GPC6: variants seen among roughly 807,000 people sequenced by gnomAD.
GPC6 encodes glypican-6.
A neutral mutation model predicts 55.2 loss-of-function variants in GPC6; 14 were observed. The observed-to-expected ratio is 0.25, with a 90% CI of 0.17 to 0.40. The LOEUF (loss-of-function observed/expected upper bound fraction) is 0.40, where lower values mean the gene tolerates loss of function less well. GPC6 is among the 10% of genes least tolerant of loss of function. The pLI, the probability that GPC6 is intolerant of heterozygous loss-of-function variation, is 1.00. For synonymous variants in GPC6, 278 were observed against 259.6 expected (o/e 1.07, Z -0.68); for missense variants, 641 against 708.5 (o/e 0.90, Z 1.08).
chr13:93,296,531 G>A (rs1191441649), intron 1 of GPC6, among the ~76,000 whole-genome samples: 1 of 151,960 alleles, frequency 6.6e-6, no homozygotes, highest in Non-Finnish European at 1.5e-5. Flanking sequence ...TTCTGCTTGA[G>A]ACTCTGTAAT....
At chr13:94,222,171 G>C (rs1408826165) in intron 4 of GPC6, among the ~76,000 whole-genome samples, 1 of 152,094 alleles carries the variant, frequency 6.6e-6, no homozygotes, top group African/African-American at 2.4e-5. Flanking sequence ...GTCATGGTCA[G>C]TGTAAGCCTG....
intron 2 of GPC6, among the ~76,000 whole-genome samples, chr13:93,684,535 G>T (rs1231229579): frequency 1.3e-5 from 2 of 152,132 alleles, no homozygotes; most frequent in African/African-American, 4.8e-5. Context: ...TATTTATAAA[G>T]ATTAAAATGA....
chr13:93,993,906 TG>T (rs945825603), intron 3 of GPC6, among the ~76,000 whole-genome samples: 13 of 152,182 alleles, frequency 8.5e-5, no homozygotes, highest in African/African-American at 3.1e-4. Flanking sequence ...ATACTGTATG[TG>T]GGAATATTTA....
At chr13:94,070,404 A>G (rs1302063514) in intron 4 of GPC6, among the ~76,000 whole-genome samples, 1 of 152,220 alleles carries the variant, frequency 6.6e-6, no homozygotes, top group African/African-American at 2.4e-5. Flanking sequence ...CAGAGAACTC[A>G]GAGATATACA....
intron 6 of GPC6, among the ~76,000 whole-genome samples, chr13:94,357,870 A>G (rs1298977785): frequency 6.6e-6 from 1 of 152,172 alleles, no homozygotes; most frequent in Non-Finnish European, 1.5e-5. Flanking sequence ...ATACCTCCAC[A>G]GAAGAGAAAG....
chr13:94,230,806 A>G (rs1432728391), intron 4 of GPC6, among the ~76,000 whole-genome samples: 3 of 152,214 alleles, frequency 2.0e-5, no homozygotes, highest in Non-Finnish European at 2.9e-5. Flanking sequence ...ATTGGAGATG[A>G]CAGTAAGAAT....
chr13:93,439,298 A>G (rs1337815793), intron 1 of GPC6, among the ~76,000 whole-genome samples: 3 of 152,012 alleles, frequency 2.0e-5, no homozygotes, highest in Non-Finnish European at 4.4e-5. Flanking sequence ...AGCTCCCACA[A>G]TTCCCACATG....
At chr13:93,661,671 A>C (rs1880927908) in intron 2 of GPC6, among the ~76,000 whole-genome samples, 1 of 152,192 alleles carries the variant, frequency 6.6e-6, no homozygotes, top group African/African-American at 2.4e-5. Flanking sequence ...AAATGGGCTA[A>C]ATGTCAATGC....
At chr13:93,612,829 A>G (rs1437457734) in intron 2 of GPC6, among the ~76,000 whole-genome samples, 1 of 152,188 alleles carries the variant, frequency 6.6e-6, no homozygotes, top group African/African-American at 2.4e-5. Context: ...AGGTATTCGT[A>G]TGTGTGTCAA....
At chr13:93,441,544 G>C (rs1396924307) in intron 1 of GPC6, among the ~76,000 whole-genome samples, 1 of 152,040 alleles carries the variant, frequency 6.6e-6, no homozygotes, top group Non-Finnish European at 1.5e-5. Flanking sequence ...GGGGTTGTTT[G>C]ATTTTTTCTT....
intron 1 of GPC6, among the ~76,000 whole-genome samples, chr13:93,311,718 C>G (rs1181420322): frequency 6.6e-6 from 1 of 152,078 alleles, no homozygotes; most frequent in Non-Finnish European, 1.5e-5. Context: ...CTCCTTGACC[C>G]CTATGCAGTG....
At chr13:94,235,941 C>T (rs1322000288) in intron 4 of GPC6, among the ~76,000 whole-genome samples, 1 of 152,164 alleles carries the variant, frequency 6.6e-6, no homozygotes, top group Non-Finnish European at 1.5e-5. Flanking sequence ...GAAACTGAGA[C>T]CCTGAGAACT....
At chr13:93,895,234 G>GTA (rs60375718) in intron 3 of GPC6, among the ~76,000 whole-genome samples, 1,291 of 107,796 alleles carry the variant, frequency 0.012, 22 homozygotes, top group African/African-American at 0.015. Flanking sequence ...GTGTGTGTGT[G>GTA]TATATATATA....
intron 3 of GPC6, among the ~76,000 whole-genome samples, chr13:93,980,484 G>T (rs971147052): frequency 1.3e-5 from 2 of 152,158 alleles, no homozygotes; most frequent in Non-Finnish European, 2.9e-5. Flanking sequence ...AGTATTCTCT[G>T]CATTGGAAAT....
rs184142888 is a variant in GPC6, at chr13:93,227,150, T to A, written c.-307T>A. On this transcript the variant is annotated 5_prime_UTR_variant, in exon 1 of 9. Transcript: ENST00000377047. The surrounding 1 kb of genome is among the most constrained non-coding windows in gnomAD (Gnocchi z 4.3). ...TGCAGCTCTGAACCCCCATGGTGGT[T>A]TTTTAAACACTTCTTTTCCTTCTCT... 1.4e-3 allele frequency: 343 copies of A among 242,020 alleles called. No individual in the cohort carries two copies. The highest frequency in any genetic ancestry group is 7.1e-3 in the African/African-American group (317 of 44,832). 15.0% of individuals were successfully genotyped at this position (242,020 alleles called of 1,614,324 possible).
chr13:93,747,194 G>T (rs917813928), intron 2 of GPC6, among the ~76,000 whole-genome samples: 5 of 152,120 alleles, frequency 3.3e-5, no homozygotes, highest in African/African-American at 1.2e-4. Flanking sequence ...TATACCTGAG[G>T]CATTAATAAA....
At chr13:94,190,821 G>A (rs751917232) in intron 4 of GPC6, among the ~76,000 whole-genome samples, 1 of 152,094 alleles carries the variant, frequency 6.6e-6, no homozygotes, top group Non-Finnish European at 1.5e-5. Flanking sequence ...GTTAACATAT[G>A]AGTAGCATAT....
chr13:93,721,918 A>T (rs1883468545), intron 2 of GPC6, among the ~76,000 whole-genome samples: 1 of 151,828 alleles, frequency 6.6e-6, no homozygotes, highest in Non-Finnish European at 1.5e-5. Flanking sequence ...AAGAAAAATA[A>T]TAAATATTAG....
intron 4 of GPC6, among the ~76,000 whole-genome samples, chr13:94,204,683 A>G (rs1315366442): frequency 4.6e-5 from 7 of 152,208 alleles, no homozygotes; most frequent in Non-Finnish European, 7.4e-5. Context: ...CAAATGTGAA[A>G]TTCAGTACCT....
Sources: gnomAD v4.1 joint callset for allele counts (sites outside exome capture counted in the v4.1 genomes callset) on GRCh38, gnomAD v4.1.1 for gene constraint, Gnocchi (gnomAD v3.1) non-coding constraint, MANE v1.5 for transcripts, NCBI Gene and HGNC (gene_info 2026-07-23, HGNC 2026-07-21) for gene names.